The following MAP4 variants were observed in gnomAD, a reference collection of about 807,000 sequenced individuals.
MAP4 encodes the protein microtubule-associated protein 4.
In MAP4, 76 loss-of-function variants were observed where a neutral mutation model predicts 170.2. The ratio of observed to expected loss-of-function variants is 0.45; its 90% CI spans 0.37 to 0.54. MAP4 has a LOEUF of 0.54. MAP4 is among the 20% of genes least tolerant of loss of function. The probability of loss-of-function intolerance (pLI) is 0.00; values close to 1 mark genes in which losing one functional copy is unlikely to be tolerated. For missense variants in MAP4, 2,506 were observed against 2,748.0 expected, an observed-to-expected ratio of 0.91 and a Z score of 1.97; for synonymous variants, 909 against 994.5, an observed-to-expected ratio of 0.91 and a Z score of 1.62.
chr3:47,966,766 C>A (rs947635089), intron 3 of MAP4, among the ~76,000 whole-genome samples: 1 of 152,126 alleles, frequency 6.6e-6, no homozygotes, highest in Non-Finnish European at 1.5e-5. Context: ...GTCCTGGTAC[C>A]GTTGTCTAAA....
intron 3 of MAP4, among the ~76,000 whole-genome samples, chr3:47,940,308 C>A (rs1194354352): frequency 1.3e-5 from 2 of 152,174 alleles, no homozygotes; most frequent in Non-Finnish European, 2.9e-5. Context: ...TTATTCAATA[C>A]TGCTGACCTA....
intron 4 of MAP4, 99 bp downstream of exon 4, chr3:47,928,129 A>G (rs1577767793): frequency 7.0e-7 from 1 of 1,438,170 alleles, no homozygotes. Context: ...TTTGTGATCT[A>G]TACTTAAGCT....
intron 9 of MAP4, among the ~76,000 whole-genome samples, chr3:47,905,546 A>AAC (rs1331567489): frequency 2.1e-5 from 3 of 140,860 alleles, no homozygotes; most frequent in East Asian, 2.0e-4. Context: ...CAACAACAAC[A>AAC]AAAAAAAAAA....
At chr3:47,864,903 G>A (rs1424275446) in intron 17 of MAP4, among the ~76,000 whole-genome samples, 2 of 152,052 alleles carry the variant, frequency 1.3e-5, no homozygotes, top group Non-Finnish European at 1.5e-5. Context: ...CCCAGCTGGG[G>A]GGCTCATCAT....
chr3:48,044,599 C>A (rs2100123427), intron 1 of MAP4, among the ~76,000 whole-genome samples: 1 of 151,880 alleles, frequency 6.6e-6, no homozygotes, highest in Non-Finnish European at 1.5e-5. Flanking sequence ...CTCATGTCTA[C>A]TAAAAATACA....
At position 47,951,157 on chromosome 3, in the gene MAP4, A is replaced by G. The variant is rs1325276409; in HGVS notation, c.293-22807T>C. Among the ~76,000 whole-genome samples, 4 of 152,220 alleles carry G rather than the reference A, an allele frequency of 2.6e-5. No homozygotes were observed. In the East Asian group the frequency reaches 7.7e-4, roughly 29 times the overall value. ...ACTCTAAAGATTGTTGTTTTACAGC[A>G]TATTCTTAAATACTACTGTTGAGCC... On this transcript the variant is annotated intron_variant, in intron 3 of 20. Transcript: ENST00000683076.
intron 3 of MAP4, among the ~76,000 whole-genome samples, chr3:47,969,850 A>G (rs1269610726): frequency 2.7e-5 from 4 of 150,678 alleles, no homozygotes; most frequent in Non-Finnish European, 5.9e-5. Context: ...ACAGAGCAAG[A>G]CTCTGTCTCA....
intron 1 of MAP4, among the ~76,000 whole-genome samples, chr3:48,067,163 A>T (rs2100138744): frequency 6.6e-6 from 1 of 151,774 alleles, no homozygotes; most frequent in Non-Finnish European, 1.5e-5. Context: ...ATAATGTCTC[A>T]AATCATTTTA....
At chr3:48,038,317 T>C (rs1158804903) in intron 1 of MAP4, among the ~76,000 whole-genome samples, 1 of 152,068 alleles carries the variant, frequency 6.6e-6, no homozygotes, top group Non-Finnish European at 1.5e-5. Context: ...TTTCTAATTC[T>C]CAAGTCTTCA....
intron 1 of MAP4, among the ~76,000 whole-genome samples, chr3:48,074,723 T>TGTGTGA (rs1559906380): frequency 1.3e-5 from 2 of 149,196 alleles, no homozygotes; most frequent in African/African-American, 2.5e-5. Context: ...TGTGTGTGTG[T>TGTGTGA]GTGATATGTC....
chr3:48,033,569 G>C (rs1031936261), intron 1 of MAP4, among the ~76,000 whole-genome samples: 1 of 151,882 alleles, frequency 6.6e-6, no homozygotes, highest in African/African-American at 2.4e-5. Flanking sequence ...TTTCTCTCCA[G>C]TTTCAAACTG....
chr3:48,081,447 T>C (rs888185222), intron 1 of MAP4, among the ~76,000 whole-genome samples: 4 of 152,090 alleles, frequency 2.6e-5, no homozygotes, highest in African/African-American at 9.7e-5. Flanking sequence ...TATAGGAGTA[T>C]AATTTAAATT....
intron 1 of MAP4, among the ~76,000 whole-genome samples, chr3:48,002,977 A>AT (rs1553716102): frequency 4.1e-4 from 62 of 150,952 alleles, no homozygotes; most frequent in African/African-American, 1.5e-3. Flanking sequence ...AAATAAATAA[A>AT]TAAATAAATA....
intron 3 of MAP4, chr3:47,974,076 T>G (rs897848388): frequency 2.0e-6 from 2 of 985,176 alleles, no homozygotes; most frequent in South Asian, 4.7e-5. Flanking sequence ...GTTTAAACTT[T>G]CATGATATTC....
intron 2 of MAP4, among the ~76,000 whole-genome samples, chr3:47,985,072 G>A (rs919810058): frequency 1.3e-5 from 2 of 152,062 alleles, no homozygotes; most frequent in African/African-American, 4.8e-5. Context: ...CTGAGGTCAG[G>A]AGTTTGAGAC....
Position 47,909,098 on chromosome 3 carries a change from G to C in MAP4, c.5323C>G (p.Pro1775Ala). The change falls in exon 9 of 21, where the codon CCA (proline) becomes GCA (alanine). Residue 1775 changes from proline to alanine, a missense_variant. By Grantham distance (27) the Pro-to-Ala change is conservative. Around this residue, in one of 3 missense-constraint regions of MAP4, gnomAD observed 2,008 missense variants for 2,206.0 expected, o/e 0.91. Transcript: ENST00000683076. The stretch of plus-strand genomic sequence containing the variant: ...TGGATTGTAGACTTTGGCAAAAGTG[G>C]AGTAAGTCCTCGGGACTTGGTGGGT... ...MRPTKSRGLTPLLPKSTIQEQ... is the reference protein window; with the variant it reads ...MRPTKSRGLTALLPKSTIQEQ... The C allele has an allele frequency of 6.2e-7, 1 of 1,613,936 alleles. No homozygotes were observed. Among genetic ancestry groups the C allele is most frequent in the African/African-American group, 1.3e-5 (1 of 75,038 alleles).
At chr3:47,923,598 C>CA (rs2100044176) in intron 4 of MAP4, among the ~76,000 whole-genome samples, 1 of 143,990 alleles carries the variant, frequency 6.9e-6, no homozygotes, top group East Asian at 2.0e-4. Flanking sequence ...TCTTTAAAAA[C>CA]AAAAAACACA....
intron 15 of MAP4, 33 bp downstream of exon 15, chr3:47,870,780 A>T: frequency 6.6e-7 from 1 of 1,515,004 alleles, no homozygotes; most frequent in Non-Finnish European, 8.8e-7. Flanking sequence ...TGCAGGGGCC[A>T]GCATGCCAGG....
chr3:47,940,959 C>T (rs1436345831), intron 3 of MAP4, among the ~76,000 whole-genome samples: 1 of 151,878 alleles, frequency 6.6e-6, no homozygotes, highest in Non-Finnish European at 1.5e-5. Flanking sequence ...CTCACTGTAA[C>T]CTCTACCTCC....
Sources: gnomAD v4.1 joint callset for allele counts (sites outside exome capture counted in the v4.1 genomes callset) on GRCh38, gnomAD v4.1.1 for gene constraint, gnomAD v4.1.1 regional missense constraint, MANE v1.5 for transcripts, NCBI Gene and HGNC (gene_info 2026-07-23, HGNC 2026-07-21) for gene names.